The following QRFPR variants were observed in gnomAD, a reference collection of about 807,000 sequenced individuals.
QRFPR encodes the protein pyroglutamylated RF-amide peptide receptor.
In QRFPR, 37 loss-of-function variants were observed where a neutral mutation model predicts 31.3. The observed-to-expected ratio is 1.18, with a 90% confidence interval of 0.91 to 1.56. QRFPR has a LOEUF of 1.56. Ranked by LOEUF, QRFPR falls within the 40% of genes most tolerant of loss-of-function variation. The pLI, the probability that QRFPR is intolerant of heterozygous loss-of-function variation, is 0.00. For synonymous variants in QRFPR, 197 were observed against 192.0 expected (o/e 1.03, Z -0.22); for missense variants, 542 against 532.5 (o/e 1.02, Z -0.18).
At chr4:121,363,679 G>A (rs1296006532) in intron 1 of QRFPR, among the ~76,000 whole-genome samples, 2 of 149,956 alleles carry the variant, frequency 1.3e-5, no homozygotes, top group African/African-American at 4.9e-5. Flanking sequence ...GGGGCCACAG[G>A]GACTATGAGA....
chr4:121,340,430 T>G (rs776872700), intron 2 of QRFPR, 22 bp downstream of exon 2: 1 of 1,612,448 alleles, frequency 6.2e-7, no homozygotes, highest in Non-Finnish European at 8.5e-7. Flanking sequence ...CACACTGCCA[T>G]TGGCACATCC....
rs759185360 is a variant in QRFPR, at chr4:121,330,484, C to T, written c.837G>A (p.Val279=). 2 of 1,614,026 alleles carry T rather than the reference C, an allele frequency of 1.2e-6. No homozygotes were observed. Among genetic ancestry groups the T allele is most frequent in the Admixed American group, 1.7e-5 (1 of 60,022 alleles). The change falls in exon 5 of 6, where the codon GTG becomes GTA. Residue 279 remains valine (V), a synonymous_variant. Transcript: ENST00000394427. ...KRAVIMMVTV[V]ALFAVCWAPF... ...GTGCCCAGCACACAGCAAAGAGAGCCACCACTGTCACCATCATAATGACAG... is the reference window on the plus strand; with the variant it reads ...GTGCCCAGCACACAGCAAAGAGAGCTACCACTGTCACCATCATAATGACAG...
chr4:121,369,800 G>C, intron 1 of QRFPR: 1 of 1,462,774 alleles, frequency 6.8e-7, no homozygotes. Context: ...CTGCTTAGGT[G>C]AAAAGTGAGA....
intron 1 of QRFPR, among the ~76,000 whole-genome samples, chr4:121,378,360 C>T (rs538455791): frequency 6.6e-6 from 1 of 151,542 alleles, no homozygotes; most frequent in East Asian, 1.9e-4. Flanking sequence ...CCTTTCTTGG[C>T]CATGATTCCC....
intron 2 of QRFPR, 103 bp downstream of exon 2, chr4:121,340,340 CCAATGCCTA>C (rs754775425): frequency 4.4e-6 from 5 of 1,149,380 alleles, no homozygotes; most frequent in Non-Finnish European, 6.3e-6. Context: ...AAATTATATT[CCAATGCCTA>C]CAAGTTAGAT....
Position 121,374,634 on chromosome 4 carries a change from C to T in QRFPR, c.340+5674G>A, listed in dbSNP as rs574149969. On this transcript the variant is annotated intron_variant, in intron 1 of 5. Coordinates refer to ENST00000394427, the MANE Select transcript of QRFPR (RefSeq NM_198179.3). ...AATCAGACCAATTAAATCAGAATCT[C>T]CAGGGGTAGGAACCAGGCATCTGTG... 1.4e-3 allele frequency among the ~76,000 whole-genome samples: 219 copies of T among 152,234 alleles called. 1 individual carries two copies. Among genetic ancestry groups the T allele is most frequent in the African/African-American group, 5.0e-3 (208 of 41,536 alleles).
intron 1 of QRFPR, among the ~76,000 whole-genome samples, chr4:121,350,200 A>T (rs1287122358): frequency 6.6e-6 from 1 of 152,208 alleles, no homozygotes; most frequent in Non-Finnish European, 1.5e-5. Flanking sequence ...GTGTCATTTT[A>T]GGATGAAAAA....
chr4:121,351,351 T>G (rs2110474758), intron 1 of QRFPR, among the ~76,000 whole-genome samples: 1 of 152,312 alleles, frequency 6.6e-6, no homozygotes, highest in South Asian at 2.1e-4. Context: ...AATTACTTTG[T>G]AAGAACTGTT....
chr4:121,365,255 T>C lies in QRFPR; in HGVS notation c.340+15053A>G, dbSNP rs573229983. 1.2e-3 allele frequency among the ~76,000 whole-genome samples: 170 copies of C among 145,790 alleles called. 10 individuals are homozygous for C. The highest frequency in any genetic ancestry group is 4.2e-3 in the African/African-American group (163 of 38,928). On this transcript the variant is annotated intron_variant, in intron 1 of 5. Transcript: ENST00000394427. ...GATCATGAGGTCAGGAGATCGAGAC[T>C]ATCCTGGCTAACACAGTGAAACCTC...
At chr4:121,356,106 T>C (rs1004725082) in intron 1 of QRFPR, among the ~76,000 whole-genome samples, 1 of 152,140 alleles carries the variant, frequency 6.6e-6, no homozygotes, top group Non-Finnish European at 1.5e-5. Flanking sequence ...GTCTGACATT[T>C]TTTTGGTTGA....
At position 121,349,837 on chromosome 4, in the gene QRFPR, C is replaced by A. The variant is rs193114041; in HGVS notation, c.341-9227G>T. On this transcript the variant is annotated intron_variant, in intron 1 of 5. Transcript: ENST00000394427. ...TACGCATGCTACTCTGTATCAATAA[C>A]ATGCCCATTTTTCATGGTACGTCAT... Among the ~76,000 whole-genome samples, 3 of 152,318 alleles carry A rather than the reference C, an allele frequency of 2.0e-5. No homozygotes were observed. In the East Asian group the frequency reaches 5.8e-4, roughly 29 times the overall value.
rs965960344 is a variant in QRFPR, at chr4:121,380,799, C to T, written c.-152G>A. 2.1e-5 allele frequency: 14 copies of T among 651,844 alleles called. No homozygotes were observed. Among genetic ancestry groups the T allele is most frequent in the Admixed American group, 6.3e-5 (2 of 31,988 alleles). The allele number at this position is 651,844 out of a possible 1,614,324, so 40.4% of individuals were successfully genotyped here. ...CGCGGGAGGGCTCTAGGCTGCACCC[C>T]GGGAGGTTCGGGAAAGGAGAGCAGC... On this transcript the variant is annotated 5_prime_UTR_variant, in exon 1 of 6. Coordinates refer to ENST00000394427, the MANE Select transcript of QRFPR (RefSeq NM_198179.3).
intron 1 of QRFPR, among the ~76,000 whole-genome samples, chr4:121,341,369 C>T (rs1725540615): frequency 6.6e-6 from 1 of 152,132 alleles, no homozygotes; most frequent in Admixed American, 6.6e-5. Context: ...ATCATAAACT[C>T]AGGGAATGTG....
At chr4:121,360,678 G>A (rs1725971862) in intron 1 of QRFPR, among the ~76,000 whole-genome samples, 1 of 152,094 alleles carries the variant, frequency 6.6e-6, no homozygotes, top group Non-Finnish European at 1.5e-5. Flanking sequence ...ATGACTTCAT[G>A]ACTCATTCAT....
Position 121,332,879 on chromosome 4 carries a change from C to A in QRFPR, c.739G>T (p.Val247Phe), listed in dbSNP as rs1199575638. ...GTTCGAAGCACTGAACCATCCCCAA[C>A]TCTTTTCTTTATCCAAAGTTCATAA... ...IGYELWIKKR[V>F]GDGSVLRTIH... The change falls in exon 4 of 6, where the codon GTT (valine) becomes TTT (phenylalanine). Residue 247 changes from valine (V) to phenylalanine (F), a missense_variant. Transcript: ENST00000394427. The A allele has an allele frequency of 1.6e-5, 26 of 1,614,144 alleles. No individual in the cohort carries two copies. The highest frequency in any genetic ancestry group is 1.7e-5 in the Non-Finnish European group (20 of 1,180,004).
chr4:121,329,801 C>G, intron 5 of QRFPR, 87 bp from the exon 6 acceptor site: 1 of 987,692 alleles, frequency 1.0e-6, no homozygotes, highest in Non-Finnish European at 1.4e-6. Flanking sequence ...AAGACTTAAA[C>G]TTGTACAAGT....
In QRFPR at chr4:121,358,749, G is replaced by A. The variant is rs1725918320; in HGVS notation, c.341-18139C>T. On this transcript the variant is annotated intron_variant, in intron 1 of 5. Transcript: ENST00000394427. ...TCTTTTGTCCTTATTTATGACATAA[G>A]CTTGCCAGAAATGTCCTTGATCATG... is the stretch of plus-strand genomic sequence containing the variant. Among the ~76,000 whole-genome samples, 3 of 152,048 alleles carry A rather than the reference G, an allele frequency of 2.0e-5. 1 individual carries two copies. In the South Asian group the frequency reaches 6.2e-4, roughly 31 times the overall value.
At chr4:121,341,832 C>T (rs1448939543) in intron 1 of QRFPR, among the ~76,000 whole-genome samples, 2 of 152,156 alleles carry the variant, frequency 1.3e-5, no homozygotes, top group Non-Finnish European at 2.9e-5. Context: ...TGGGAATACT[C>T]CTTGCTTTCA....
At chr4:121,374,824 G>A (rs1186565870) in intron 1 of QRFPR, among the ~76,000 whole-genome samples, 1 of 152,164 alleles carries the variant, frequency 6.6e-6, no homozygotes, top group Non-Finnish European at 1.5e-5. Context: ...TTCCCCCAAC[G>A]ATGCTGCCAT....
Sources: gnomAD v4.1 joint callset for allele counts (sites outside exome capture counted in the v4.1 genomes callset) on GRCh38, gnomAD v4.1.1 for gene constraint, MANE v1.5 for transcripts, NCBI Gene and HGNC (gene_info 2026-07-23, HGNC 2026-07-21) for gene names.